Variants in TRAPPC10 observed in about 807,000 individuals in gnomAD.
The protein encoded by TRAPPC10 is trafficking protein particle complex subunit 10.
In TRAPPC10, 23 loss-of-function variants were observed where a neutral mutation model predicts 125.5. The observed-to-expected ratio is 0.18, with a 90% confidence interval of 0.13 to 0.26. The LOEUF (loss-of-function observed/expected upper bound fraction) is 0.26, where lower values mean the gene tolerates loss of function less well. Ranked by LOEUF, TRAPPC10 falls within the 10% of genes least tolerant of loss-of-function variation. The pLI is 1.00. For synonymous variants in TRAPPC10, 509 were observed against 518.0 expected (o/e 0.98, Z 0.24); for missense variants, 1,123 against 1,308.4 (o/e 0.86, Z 2.19).
chr21:44,041,319 T>A (rs1415556968), intron 3 of TRAPPC10, among the ~76,000 whole-genome samples: 1 of 152,204 alleles, frequency 6.6e-6, no homozygotes, highest in Non-Finnish European at 1.5e-5. Flanking sequence ...TCTTGGAAAT[T>A]ACGTATTTCG....
intron 11 of TRAPPC10, among the ~76,000 whole-genome samples, chr21:44,078,780 T>G (rs1453994120): frequency 6.6e-6 from 1 of 152,184 alleles, no homozygotes; most frequent in Non-Finnish European, 1.5e-5. Context: ...CAAGCCCTTA[T>G]TAATTTGCAT....
At chr21:44,049,196 C>T (rs2035066247) in intron 3 of TRAPPC10, among the ~76,000 whole-genome samples, 1 of 152,188 alleles carries the variant, frequency 6.6e-6, no homozygotes. Context: ...CACACATTTA[C>T]ATCTGTATTT....
rs1406935646 is a variant in TRAPPC10 at position 44,059,534 on chromosome 21, A to T, written c.790+320A>T. On this transcript the variant is annotated intron_variant, in intron 6 of 22. Transcript: ENST00000291574. This position sits in a 1 kb window ranked among gnomAD's most constrained non-coding sequence, Gnocchi z 4.4. ...TTCGATTCTGTCCCTCGTTAGAATCAGAGTGGACGTCCCTTTGCCTTCCAT... is the reference window on the plus strand; with the variant it reads ...TTCGATTCTGTCCCTCGTTAGAATCTGAGTGGACGTCCCTTTGCCTTCCAT... 1 of 740,914 alleles carries T rather than the reference A, an allele frequency of 1.3e-6. No individual in the cohort carries two copies. Among genetic ancestry groups the T allele is most frequent in the Admixed American group, 1.9e-5 (1 of 53,604 alleles). The allele number at this position is 740,914 out of a possible 1,614,324, so 45.9% of individuals were successfully genotyped here. A position where few individuals can be genotyped will look rare whatever the true frequency, so the allele number is the denominator to read the frequency against.
At chr21:44,084,569 A>G (rs1465190523) in intron 15 of TRAPPC10, among the ~76,000 whole-genome samples, 1 of 152,238 alleles carries the variant, frequency 6.6e-6, no homozygotes, top group Non-Finnish European at 1.5e-5. Context: ...TGGCTCACTC[A>G]ACCTAATGGT....
At position 44,063,423 on chromosome 21, in the gene TRAPPC10, C is replaced by G; in HGVS notation, c.791-115C>G. 1.4e-6 allele frequency: 2 copies of G among 1,448,516 alleles called. No individual in the cohort carries two copies. The highest frequency in any genetic ancestry group is 2.6e-5 in the South Asian group (2 of 76,654). The allele number at this position is 1,448,516 out of a possible 1,614,324, so 89.7% of individuals were successfully genotyped here. A position where few individuals can be genotyped will look rare whatever the true frequency, so the allele number is the denominator to read the frequency against. The stretch of plus-strand genomic sequence containing the variant: ...AGACCACAGGGGGTGGGCCAGTGTT[C>G]ATAGAAAAACTGGTTATGAAGCTGC... On this transcript the variant is annotated intron_variant, in intron 6 of 22. Transcript: ENST00000291574. The surrounding 1 kb of genome is among the most constrained non-coding windows in gnomAD (Gnocchi z 4.4).
At chr21:44,091,832 C>G in intron 18 of TRAPPC10, 91 bp from the exon 19 acceptor site, 1 of 1,259,624 alleles carries the variant, frequency 7.9e-7, no homozygotes, top group Non-Finnish European at 1.1e-6. Context: ...TTTTTGATTC[C>G]CCAGGCAGAG....
chr21:44,068,153 G>C (rs574400490), intron 7 of TRAPPC10, among the ~76,000 whole-genome samples: 2 of 151,634 alleles, frequency 1.3e-5, no homozygotes, highest in Non-Finnish European at 2.9e-5. Context: ...TCACTTATCA[G>C]ATCTTCATTG....
At position 44,075,126 on chromosome 21, in the gene TRAPPC10, G is replaced by A. The variant is rs1450140113; in HGVS notation, c.1273G>A (p.Gly425Ser). ...DLNRTVDLLA[G>S]LGAERPETAN... Reference sequence around the variant, plus strand: ...CAACAGGACAGTTGACCTTTTGGCAGGTTTGGGAGCTGAGCGACCAGAAAC... The same window carrying A: ...CAACAGGACAGTTGACCTTTTGGCAAGTTTGGGAGCTGAGCGACCAGAAAC... Residue 425 changes from glycine to serine, a missense_variant, in exon 9 of 23, where the codon GGT (glycine) becomes AGT (serine). By Grantham distance (56) the Gly-to-Ser change is moderately conservative. Around this residue, in one of 4 missense-constraint regions of TRAPPC10, gnomAD observed 840 missense variants for 902.0 expected, o/e 0.93. Transcript: ENST00000291574. The A allele has an allele frequency of 6.2e-7, 1 of 1,614,054 alleles. No homozygotes were observed. The highest frequency in any genetic ancestry group is 1.3e-5 in the African/African-American group (1 of 74,918).
At position 44,063,762 on chromosome 21, in the gene TRAPPC10, G is replaced by A. The variant is rs537924705; in HGVS notation, c.1015G>A (p.Val339Met). ...QRALELLHNCVQELKLLEVSV... is the reference protein window; with the variant it reads ...QRALELLHNCMQELKLLEVSV... ...CGCCCTAGAGCTGCTGCACAACTGC[G>A]TGCAGGAACTGAAGCTCTTAGAAGT... Residue 339 changes from valine to methionine, a missense_variant, in exon 7 of 23, where the codon GTG (valine) becomes ATG (methionine). Transcript: ENST00000291574. The surrounding 1 kb of genome is among the most constrained non-coding windows in gnomAD (Gnocchi z 4.4). 5 of 1,613,930 alleles carry A rather than the reference G, an allele frequency of 3.1e-6. No homozygotes were observed. Among genetic ancestry groups the A allele is most frequent in the Middle Eastern group, 1.7e-4 (1 of 6,060 alleles).
At chr21:44,076,210 A>G (rs998972789) in intron 9 of TRAPPC10, among the ~76,000 whole-genome samples, 5 of 152,230 alleles carry the variant, frequency 3.3e-5, no homozygotes, top group African/African-American at 9.6e-5. Context: ...TGTTTAAGGG[A>G]AAAAATACGT....
intron 3 of TRAPPC10, among the ~76,000 whole-genome samples, chr21:44,047,567 C>CGTGTGT (rs1389476757): frequency 4.2e-5 from 5 of 118,808 alleles, no homozygotes; most frequent in African/African-American, 7.0e-5. Context: ...TGTGTGTGTG[C>CGTGTGT]GCGCACACGC....
rs138023040 is a variant in TRAPPC10 at position 44,065,331 on chromosome 21, C to T, written c.1038+1546C>T. On this transcript the variant is annotated intron_variant, in intron 7 of 22. Transcript: ENST00000291574. ...TCCTCTAGGTGCTCGTCTGCAGGGC[C>T]GGGAAGTCACAGGTATTTTCAAGGC... Among the ~76,000 whole-genome samples, 189 of 152,190 alleles carry T rather than the reference C, an allele frequency of 1.2e-3. 2 individuals carry two copies. The highest frequency in any genetic ancestry group is 4.2e-3 in the African/African-American group (176 of 41,492).
rs775859051 is a variant in TRAPPC10 at position 44,063,667 on chromosome 21, G to A, written c.920G>A (p.Arg307His). ...CGAGAAGCCACCCTGTTAGATCTGC[G>A]CAGTTACCTGTTCTCTCGCCAGTGC... The part of the protein sequence containing the change: ...QRREATLLDL[R>H]SYLFSRQCTL... The change falls in exon 7 of 23, where the codon CGC (arginine) becomes CAC (histidine). Residue 307 changes from arginine to histidine, a missense_variant. By Grantham distance (29) the Arg-to-His change is conservative (BLOSUM62 0). Around this residue, in one of 4 missense-constraint regions of TRAPPC10, gnomAD observed 91 missense variants for 127.1 expected, o/e 0.72. Coordinates refer to ENST00000291574, the MANE Select transcript of TRAPPC10 (RefSeq NM_003274.5). This position sits in a 1 kb window ranked among gnomAD's most constrained non-coding sequence, Gnocchi z 4.4. 7.4e-6 allele frequency: 12 copies of A among 1,614,230 alleles called. No homozygotes were observed. Among genetic ancestry groups the A allele is most frequent in the South Asian group, 4.4e-5 (4 of 91,090 alleles).
intron 7 of TRAPPC10, among the ~76,000 whole-genome samples, chr21:44,065,953 C>T (rs922177761): frequency 2.6e-5 from 4 of 152,180 alleles, no homozygotes; most frequent in Non-Finnish European, 4.4e-5. Context: ...TTCCCTGCTC[C>T]CCTCCCAAAG....
At chr21:44,068,355 T>C (rs1334799626) in intron 7 of TRAPPC10, among the ~76,000 whole-genome samples, 1 of 152,092 alleles carries the variant, frequency 6.6e-6, no homozygotes, top group East Asian at 1.9e-4. Flanking sequence ...TTGAAGGTGC[T>C]CTGGAGGAGC....
At position 44,075,101 on chromosome 21, in the gene TRAPPC10, C is replaced by G. The variant is rs1478265601; in HGVS notation, c.1248C>G (p.Leu416=). The G allele has an allele frequency of 1.2e-6, 2 of 1,614,048 alleles. No individual in the cohort carries two copies. Among genetic ancestry groups the G allele is most frequent in the African/African-American group, 2.7e-5 (2 of 74,912 alleles). ...VSEKGPNSED[L]NRTVDLLAGL... is the part of the protein sequence containing the mutation. Reference sequence around the variant, plus strand: ...AGAAAGGACCTAACTCAGAAGATCTCAACAGGACAGTTGACCTTTTGGCAG... The same window carrying G: ...AGAAAGGACCTAACTCAGAAGATCTGAACAGGACAGTTGACCTTTTGGCAG... Residue 416 remains leucine, a synonymous_variant, in exon 9 of 23, where the codon CTC becomes CTG. Transcript: ENST00000291574.
At chr21:44,028,462 T>G (rs1373454452) in intron 1 of TRAPPC10, among the ~76,000 whole-genome samples, 1 of 152,124 alleles carries the variant, frequency 6.6e-6, no homozygotes, top group Non-Finnish European at 1.5e-5. Context: ...ATCTGGGGAC[T>G]CCAGTGCCTG....
intron 6 of TRAPPC10, among the ~76,000 whole-genome samples, chr21:44,060,674 C>T (rs1457649284): frequency 6.6e-6 from 1 of 151,926 alleles, no homozygotes; most frequent in Non-Finnish European, 1.5e-5. Flanking sequence ...GATCTTGGCC[C>T]ACTGCAACCT....
intron 1 of TRAPPC10, among the ~76,000 whole-genome samples, chr21:44,031,205 T>G (rs772748767): frequency 3.9e-5 from 6 of 152,194 alleles, no homozygotes; most frequent in Non-Finnish European, 5.9e-5. Flanking sequence ...AGCAGATGTG[T>G]TAATGGCACA....
Sources: allele counts gnomAD v4.1 joint callset (sites outside exome capture counted in the v4.1 genomes callset), GRCh38; gene constraint gnomAD v4.1.1; regional missense constraint gnomAD v4.1.1; non-coding constraint Gnocchi (gnomAD v3.1); transcripts MANE v1.5; gene names NCBI Gene and HGNC (gene_info 2026-07-23, HGNC 2026-07-21).